RSAD2: variants seen among roughly 807,000 people sequenced by gnomAD.
RSAD2 encodes S-adenosylmethionine-dependent nucleotide dehydratase RSAD2.
In RSAD2, 38 loss-of-function variants were observed where a neutral mutation model predicts 37.7. The observed-to-expected ratio is 1.01, with a 90% confidence interval of 0.78 to 1.32. The LOEUF is 1.32. Ranked by LOEUF, RSAD2 falls within the 40% of genes most tolerant of loss-of-function variation. The pLI is 0.00. For synonymous variants in RSAD2, 163 were observed against 157.4 expected (o/e 1.04, Z -0.27); for missense variants, 428 against 437.5 (o/e 0.98, Z 0.19).
In RSAD2 at chr2:6,887,137, C is replaced by G. The variant is rs143741204; in HGVS notation, c.711C>G (p.Ile237Met). The G allele has an allele frequency of 6.2e-7, 1 of 1,609,732 alleles. No homozygotes were observed. Among genetic ancestry groups the G allele is most frequent in the Non-Finnish European group, 8.5e-7 (1 of 1,177,344 alleles). The part of the protein sequence containing the change: ...FNVEEDMTEQ[I>M]KALNPVRWKV... ...TGGAAGAGGACATGACGGAACAGAT[C>G]AAAGCACTAAACCCTGTCCGCTGGA... The change falls in exon 3 of 6, where the codon ATC becomes ATG. Residue 237 changes from isoleucine (I) to methionine (M), a missense_variant. Transcript: ENST00000382040.
intron 4 of RSAD2, 56 bp from the exon 5 acceptor site, chr2:6,893,615 C>T (rs1663674908): frequency 7.4e-7 from 1 of 1,358,130 alleles, no homozygotes. Context: ...GACAATTGAG[C>T]TCACATACTG....
In RSAD2 at chr2:6,878,069, G is replaced by A; in HGVS notation, c.269G>A (p.Cys90Tyr). Reference protein sequence around the residue: ...TRQCNYKCGFCFHTAKTSFVL... With the variant: ...TRQCNYKCGFYFHTAKTSFVL... ...CAGTGCAACTACAAATGCGGCTTCT[G>A]TTTCCACACAGCCAAAACATCCTTT... is the stretch of plus-strand genomic sequence containing the variant. Residue 90 changes from cysteine (C) to tyrosine (Y), a missense_variant, in exon 1 of 6, where the codon TGT (cysteine) becomes TAT (tyrosine). Physicochemically the swap from Cys to Tyr is radical, Grantham distance 194. Coordinates refer to ENST00000382040, the MANE Select transcript of RSAD2 (RefSeq NM_080657.5). 1.2e-6 allele frequency: 2 copies of A among 1,614,206 alleles called. No homozygotes were observed. Among genetic ancestry groups the A allele is most frequent in the Non-Finnish European group, 1.7e-6 (2 of 1,180,034 alleles).
intron 1 of RSAD2, among the ~76,000 whole-genome samples, chr2:6,882,742 A>T (rs570193374): frequency 6.6e-6 from 1 of 152,350 alleles, no homozygotes; most frequent in East Asian, 1.9e-4. Flanking sequence ...TTCTGGAGAG[A>T]GAAAAAGCCA....
chr2:6,878,035 T>C lies in RSAD2; in HGVS notation c.235T>C (p.Phe79Leu). The C allele has an allele frequency of 6.2e-7, 1 of 1,614,178 alleles. No individual in the cohort carries two copies. Among genetic ancestry groups the C allele is most frequent in the South Asian group, 1.1e-5 (1 of 91,088 alleles). Residue 79 changes from phenylalanine to leucine, a missense_variant, in exon 1 of 6, where the codon TTC becomes CTC. Transcript: ENST00000382040. ...PTTPTSVNYH[F>L]TRQCNYKCGF... ...CACCCCAACCAGCGTCAACTATCACTTCACTCGCCAGTGCAACTACAAATG... is the reference window on the plus strand; with the variant it reads ...CACCCCAACCAGCGTCAACTATCACCTCACTCGCCAGTGCAACTACAAATG...
chr2:6,865,931 G>A (rs1303145093), exon 1 of RSAD2: 17 of 1,374,760 alleles, frequency 1.2e-5, no homozygotes, highest in Non-Finnish European at 1.6e-5. Context: ...CCGGCGCTCG[G>A]GAGCAGACGC....
At chr2:6,886,302 A>G (rs777534041) in intron 2 of RSAD2, among the ~76,000 whole-genome samples, 2 of 152,196 alleles carry the variant, frequency 1.3e-5, no homozygotes, top group Non-Finnish European at 2.9e-5. Flanking sequence ...TGCTCCCAAA[A>G]CGACACGCTG....
chr2:6,890,539 C>T lies in RSAD2; in HGVS notation c.888+214C>T, dbSNP rs115193443. Among the ~76,000 whole-genome samples the T allele has an allele frequency of 8.8e-3, 1,332 of 152,218 alleles. 20 individuals carry two copies. The highest frequency in any genetic ancestry group is 0.031 in the African/African-American group (1,284 of 41,538). On this transcript the variant is annotated intron_variant, in intron 4 of 5. Transcript: ENST00000382040. Reference sequence around the variant, plus strand: ...GGGTCTTTAGAGAGCTTCAGTTTCTCTATCCACGATGGATAGAGTGGTACT... The same window carrying T: ...GGGTCTTTAGAGAGCTTCAGTTTCTTTATCCACGATGGATAGAGTGGTACT...
chr2:6,888,896 TC>T (rs1301448394), intron 3 of RSAD2, among the ~76,000 whole-genome samples: 1 of 152,164 alleles, frequency 6.6e-6, no homozygotes, highest in African/African-American at 2.4e-5. Context: ...CTGGAAGGTG[TC>T]ACCAGCCGTG....
rs1285925091 is a variant in RSAD2, at chr2:6,867,488, G to T, written c.142+1443G>T. 2.0e-5 allele frequency among the ~76,000 whole-genome samples: 3 copies of T among 152,144 alleles called. No individual in the cohort carries two copies. In the East Asian group the frequency reaches 5.8e-4, roughly 29 times the overall value. On this transcript the variant is annotated intron_variant, in intron 1 of 5. Coordinates refer to the RSAD2 transcript ENST00000442639. Reference sequence around the variant, plus strand: ...ATTTTAATGTAATCACCTATTGAAAGCCTTATTTTGAAATACAGTCATACT... The same window carrying T: ...ATTTTAATGTAATCACCTATTGAAATCCTTATTTTGAAATACAGTCATACT...
At chr2:6,889,073 T>A (rs1663578377) in intron 3 of RSAD2, among the ~76,000 whole-genome samples, 1 of 152,188 alleles carries the variant, frequency 6.6e-6, no homozygotes, top group Non-Finnish European at 1.5e-5. Context: ...GGCTTGCTTT[T>A]CTCCTGCAGA....
rs368391719 is a variant in RSAD2 at position 6,883,386 on chromosome 2, A to G, written c.362A>G (p.Asn121Ser). 6.8e-6 allele frequency: 11 copies of G among 1,614,222 alleles called. No individual in the cohort carries two copies. Among genetic ancestry groups the G allele is most frequent in the East Asian group, 2.2e-5 (1 of 44,890 alleles). ...LLKEAGMEKI[N>S]FSGGEPFLQD... is the part of the protein sequence containing the mutation. The stretch of plus-strand genomic sequence containing the variant: ...CCTTGCACAGGTATGGAGAAGATCA[A>G]CTTTTCAGGTGGAGAGCCATTTCTT... The change falls in exon 2 of 6, where the codon AAC (asparagine) becomes AGC (serine). Residue 121 changes from asparagine (N) to serine (S), a missense_variant. Transcript: ENST00000382040.
chr2:6,885,512 T>C (rs1204422525), intron 2 of RSAD2, among the ~76,000 whole-genome samples: 1 of 152,170 alleles, frequency 6.6e-6, no homozygotes, highest in Non-Finnish European at 1.5e-5. Flanking sequence ...AGCTACCATA[T>C]GTGCAGGGAT....
intron 1 of RSAD2, among the ~76,000 whole-genome samples, chr2:6,883,013 A>C (rs554064124): frequency 6.6e-6 from 1 of 152,310 alleles, no homozygotes; most frequent in Non-Finnish European, 1.5e-5. Flanking sequence ...GGGATGGGAA[A>C]CGCAGAGTCA....
chr2:6,885,007 G>A (rs1291722506), intron 2 of RSAD2, among the ~76,000 whole-genome samples: 2 of 152,174 alleles, frequency 1.3e-5, no homozygotes, highest in Non-Finnish European at 2.9e-5. Context: ...TGTGTTGAGT[G>A]GATGAAGAGA....
intron 2 of RSAD2, among the ~76,000 whole-genome samples, chr2:6,884,433 G>A (rs1446041368): frequency 1.3e-5 from 2 of 152,162 alleles, no homozygotes; most frequent in Non-Finnish European, 2.9e-5. Context: ...CACTCACACA[G>A]GGAGTCTGAG....
intron 3 of RSAD2, 28 bp downstream of exon 3, chr2:6,887,192 T>A (rs9917321): frequency 0.81 from 1,254,566 of 1,551,772 alleles, 510,088 homozygotes; most frequent in East Asian, 0.85. Flanking sequence ...CTTTTGCTGA[T>A]TTCCTTCAAG....
At chr2:6,870,421 GATTAC>G (rs1663183056) in intron 1 of RSAD2, among the ~76,000 whole-genome samples, 1 of 152,168 alleles carries the variant, frequency 6.6e-6, no homozygotes, top group Admixed American at 6.5e-5. Context: ...ACACAAACAG[GATTAC>G]AACTTTGGGA....
chr2:6,867,425 AC>A (rs2103232969), intron 1 of RSAD2, among the ~76,000 whole-genome samples: 1 of 152,256 alleles, frequency 6.6e-6, no homozygotes, highest in East Asian at 1.9e-4. Flanking sequence ...TGGGAAGGAC[AC>A]CAGTCAGATT....
intron 2 of RSAD2, among the ~76,000 whole-genome samples, chr2:6,886,576 T>C (rs1029752661): frequency 3.9e-5 from 6 of 152,244 alleles, no homozygotes; most frequent in African/African-American, 1.4e-4. Flanking sequence ...TTTATAATTG[T>C]TCATAAATAA....
Sources: allele counts gnomAD v4.1 joint callset (sites outside exome capture counted in the v4.1 genomes callset), GRCh38; gene constraint gnomAD v4.1.1; transcripts MANE v1.5; gene names NCBI Gene and HGNC (gene_info 2026-07-23, HGNC 2026-07-21).